ABHD17B: variants seen among roughly 807,000 people sequenced by gnomAD.
ABHD17B encodes the protein abhydrolase domain containing 17B, depalmitoylase.
Under a neutral mutation model 26.2 loss-of-function variants are expected in ABHD17B, and 9 were observed. That is an observed-to-expected ratio of 0.34 (90% CI 0.21 to 0.60). The LOEUF is 0.60. ABHD17B is among the 20% of genes least tolerant of loss of function. ABHD17B has a pLI of 0.80. For synonymous variants in ABHD17B, 127 were observed against 122.3 expected (o/e 1.04, Z -0.25); for missense variants, 224 against 352.1 (o/e 0.64, Z 2.91).
intron 3 of ABHD17B, among the ~76,000 whole-genome samples, chr9:71,868,413 G>A (rs1826018954): frequency 6.6e-6 from 1 of 152,120 alleles, no homozygotes; most frequent in African/African-American, 2.4e-5. Context: ...TCAAATAACA[G>A]AGGAATCAAA....
At chr9:71,891,994 C>T (rs1378487844) in intron 1 of ABHD17B, among the ~76,000 whole-genome samples, 2 of 152,146 alleles carry the variant, frequency 1.3e-5, no homozygotes, top group Non-Finnish European at 2.9e-5. Context: ...AGAGCCATGG[C>T]TTTCAGTTCT....
rs375719140 is a variant in ABHD17B, at chr9:71,892,315, G to A, written c.-3-17232C>T. Among the ~76,000 whole-genome samples the A allele has an allele frequency of 1.6e-4, 24 of 151,950 alleles. 1 individual carries two copies. In the East Asian group the frequency reaches 2.3e-3, roughly 15 times the overall value. On this transcript the variant is annotated intron_variant, in intron 1 of 3. Transcript: ENST00000333421. ...TGGGAGGTCGAGGTGGGCGAATCAC[G>A]AGGTCAGGAGATCGAGACCATCCTG...
At chr9:71,865,059 T>C, downstream of ABHD17B, 1 of 704,388 alleles carries the variant, frequency 1.4e-6, no homozygotes, top group Non-Finnish European at 1.7e-6. Flanking sequence ...TTTAAAAATT[T>C]TCAAACTATG....
At position 71,875,002 on chromosome 9, in the gene ABHD17B, C is replaced by G; in HGVS notation, c.79G>C (p.Ala27Pro). 6.2e-7 allele frequency: 1 copy of G among 1,614,104 alleles called. No homozygotes were observed. The highest frequency in any genetic ancestry group is 8.5e-7 in the Non-Finnish European group (1 of 1,180,000). ...TAAGTTGGATCAGGTGGCAAAAACG[C>G]TAATTTTGAAGCAATCTTCCCTGGA... ...PCPGKIASKL[A>P]FLPPDPTYTL... The change falls in exon 2 of 4, where the codon GCG (alanine) becomes CCG (proline). Residue 27 changes from alanine (A) to proline (P), a missense_variant. By Grantham distance (27) the Ala-to-Pro change is conservative (BLOSUM62 -1). Transcript: ENST00000333421.
intron 1 of ABHD17B, among the ~76,000 whole-genome samples, chr9:71,876,087 G>T (rs898774199): frequency 6.6e-6 from 1 of 152,158 alleles, no homozygotes; most frequent in African/African-American, 2.4e-5. Context: ...ATGTATGCAT[G>T]CATGTATGTA....
chr9:71,865,953 T>C lies in ABHD17B; in HGVS notation c.*834A>G, dbSNP rs573545876. 15 of 985,364 alleles carry C rather than the reference T, an allele frequency of 1.5e-5. No individual in the cohort carries two copies. In the South Asian group the frequency reaches 4.2e-4, roughly 28 times the overall value. The allele number at this position is 985,364 out of a possible 1,614,324, so 61.0% of individuals were successfully genotyped here. A position where few individuals can be genotyped will look rare whatever the true frequency, so the allele number is the denominator to read the frequency against. On this transcript the variant is annotated 3_prime_UTR_variant, in exon 4 of 4. Coordinates refer to ENST00000333421, the MANE Select transcript of ABHD17B (RefSeq NM_001025780.3). ...CAACTCATGGACTTTCGGGATTTCA[T>C]ACAATGAAGACTACTGCAATTCTAT... is the stretch of plus-strand genomic sequence containing the variant.
At chr9:71,879,051 G>A (rs574878323) in intron 1 of ABHD17B, among the ~76,000 whole-genome samples, 7 of 152,270 alleles carry the variant, frequency 4.6e-5, no homozygotes, top group African/African-American at 7.2e-5. Context: ...AGCCACTGGC[G>A]TGGCTGGAGT....
At chr9:71,881,811 G>A (rs935804733) in intron 1 of ABHD17B, among the ~76,000 whole-genome samples, 7 of 151,984 alleles carry the variant, frequency 4.6e-5, no homozygotes, top group Non-Finnish European at 7.4e-5. Context: ...ACTTGAACAC[G>A]GGAGGTGGAG....
At chr9:71,868,512 A>C (rs1356125443) in intron 3 of ABHD17B, among the ~76,000 whole-genome samples, 4 of 152,210 alleles carry the variant, frequency 2.6e-5, no homozygotes, top group Non-Finnish European at 5.9e-5. Flanking sequence ...GTATTATAAT[A>C]AACATAAAAT....
intron 1 of ABHD17B, among the ~76,000 whole-genome samples, chr9:71,904,491 T>C (rs1415680709): frequency 1.3e-5 from 2 of 152,080 alleles, no homozygotes; most frequent in African/African-American, 4.8e-5. Flanking sequence ...TTCTATTCTG[T>C]TAAAAAAAAA....
At chr9:71,879,186 C>T (rs529247532) in intron 1 of ABHD17B, among the ~76,000 whole-genome samples, 6 of 151,988 alleles carry the variant, frequency 3.9e-5, no homozygotes, top group African/African-American at 1.2e-4. Flanking sequence ...CAAAAACCCC[C>T]CAAATCCCAA....
At chr9:71,882,851 A>G (rs1313643341) in intron 1 of ABHD17B, among the ~76,000 whole-genome samples, 3 of 152,158 alleles carry the variant, frequency 2.0e-5, no homozygotes, top group African/African-American at 7.2e-5. Flanking sequence ...GTGAATATAT[A>G]TATTAAAAAC....
intron 1 of ABHD17B, among the ~76,000 whole-genome samples, chr9:71,887,518 T>C (rs544312931): frequency 6.9e-4 from 105 of 152,336 alleles, no homozygotes; most frequent in African/African-American, 2.3e-3. Flanking sequence ...TCTCCACATA[T>C]GATTATTTAA....
intron 1 of ABHD17B, among the ~76,000 whole-genome samples, chr9:71,880,252 T>C (rs981274057): frequency 2.0e-5 from 3 of 152,118 alleles, no homozygotes; most frequent in African/African-American, 7.2e-5. Context: ...TGCTCAACAA[T>C]TGCTTTCTGA....
intron 1 of ABHD17B, among the ~76,000 whole-genome samples, chr9:71,893,319 T>A (rs563001164): frequency 6.6e-6 from 1 of 152,250 alleles, no homozygotes; most frequent in South Asian, 2.1e-4. Flanking sequence ...GCTCCCCACT[T>A]CCAATCCCAA....
chr9:71,901,866 A>G (rs1827153951), intron 1 of ABHD17B, among the ~76,000 whole-genome samples: 1 of 152,196 alleles, frequency 6.6e-6, no homozygotes, highest in African/African-American at 2.4e-5. Flanking sequence ...CACTGCCACC[A>G]GGTGATGTCA....
At chr9:71,876,629 A>G (rs981993306) in intron 1 of ABHD17B, among the ~76,000 whole-genome samples, 4 of 152,120 alleles carry the variant, frequency 2.6e-5, no homozygotes, top group Non-Finnish European at 4.4e-5. Flanking sequence ...AAATCTAAAT[A>G]TAAGAATAGG....
chr9:71,868,052 CAAAAAA>C (rs531749783), intron 3 of ABHD17B, among the ~76,000 whole-genome samples: 12 of 131,534 alleles, frequency 9.1e-5, no homozygotes, highest in African/African-American at 2.9e-4. Context: ...ACTAAAAATA[CAAAAAA>C]AAAAAAAAAA....
At chr9:71,885,543 T>C (rs1388794674) in intron 1 of ABHD17B, among the ~76,000 whole-genome samples, 2 of 151,822 alleles carry the variant, frequency 1.3e-5, no homozygotes, top group Non-Finnish European at 2.9e-5. Context: ...TGGCAGGGCA[T>C]TCAACAATTT....
Sources: gnomAD v4.1 joint callset for allele counts (sites outside exome capture counted in the v4.1 genomes callset) on GRCh38, gnomAD v4.1.1 for gene constraint, MANE v1.5 for transcripts, NCBI Gene and HGNC (gene_info 2026-07-23, HGNC 2026-07-21) for gene names.